RANBP2: variants seen among roughly 807,000 people sequenced by gnomAD.
RANBP2 encodes the protein RAN binding protein 2.
RANBP2 carries 57 observed loss-of-function variants against 303.6 expected under a neutral mutation model. The observed-to-expected ratio is 0.19, with a 90% CI of 0.15 to 0.23. The LOEUF is 0.23. Among genes scored for constraint, RANBP2 ranks in the 10% least tolerant of loss-of-function variants. The probability of loss-of-function intolerance (pLI) is 1.00; values close to 1 mark genes in which losing one functional copy is unlikely to be tolerated. For synonymous variants in RANBP2, 1,167 were observed against 1,301.5 expected (o/e 0.90, Z 2.23); for missense variants, 3,138 against 3,780.8 (o/e 0.83, Z 4.46).
Position 108,768,056 on chromosome 2 carries a change from A to G in RANBP2, c.7517A>G (p.Lys2506Arg). The change falls in exon 20 of 29, where the codon AAA (lysine) becomes AGA (arginine). Residue 2506 changes from lysine (K) to arginine (R), a missense_variant. By Grantham distance (26) the Lys-to-Arg change is conservative. Coordinates refer to ENST00000283195, the MANE Select transcript of RANBP2 (RefSeq NM_006267.5). ...EVSSTSETTP[K>R]AVVSPPKFVF... Reference sequence around the variant, plus strand: ...TCTAGCACATCTGAAACAACACCAAAAGCAGTGGTTTCTCCTCCAAAGTTT... The same window carrying G: ...TCTAGCACATCTGAAACAACACCAAGAGCAGTGGTTTCTCCTCCAAAGTTT... 1 of 1,611,714 alleles carries G rather than the reference A, an allele frequency of 6.2e-7. No homozygotes were observed. Among genetic ancestry groups the G allele is most frequent in the South Asian group, 1.1e-5 (1 of 90,768 alleles).
chr2:109,433,248 A>G, the RANBP2 span, among the ~76,000 whole-genome samples: 1 of 152,264 alleles, frequency 6.6e-6, no homozygotes, highest in Non-Finnish European at 1.5e-5. Flanking sequence ...GTAAAACACT[A>G]TATACATATA....
the RANBP2 span, among the ~76,000 whole-genome samples, chr2:109,201,723 C>T: frequency 1.1e-4 from 17 of 152,212 alleles, no homozygotes; most frequent in Admixed American, 2.0e-4. Flanking sequence ...TGGAGAGCCA[C>T]GTACAGCCCA....
the RANBP2 span, among the ~76,000 whole-genome samples, chr2:109,570,366 G>T: frequency 5.3e-5 from 8 of 152,046 alleles, no homozygotes; most frequent in African/African-American, 1.4e-4. Context: ...CTTTACAGTT[G>T]CCCCCCTCAT....
the RANBP2 span, among the ~76,000 whole-genome samples, chr2:109,557,831 T>C: frequency 6.6e-6 from 1 of 151,804 alleles, no homozygotes; most frequent in Non-Finnish European, 1.5e-5. Flanking sequence ...AGCATAAAAG[T>C]AGCTTGCTGT....
chr2:109,415,507 G>A, the RANBP2 span, among the ~76,000 whole-genome samples: 60 of 152,214 alleles, frequency 3.9e-4, no homozygotes, highest in East Asian at 0.01. Context: ...CCCCCTGAGC[G>A]TGTCCAGACC....
the RANBP2 span, among the ~76,000 whole-genome samples, chr2:109,063,717 G>C: frequency 6.6e-6 from 1 of 151,880 alleles, no homozygotes; most frequent in East Asian, 1.9e-4. Flanking sequence ...TCCTTAAATG[G>C]AGATGTAATT....
At chr2:109,362,874 T>G in the RANBP2 span, among the ~76,000 whole-genome samples, 1 of 152,214 alleles carries the variant, frequency 6.6e-6, no homozygotes, top group Non-Finnish European at 1.5e-5. Context: ...TTGTCTGAAA[T>G]TAATATGGAT....
chr2:108,774,786 A>C (rs1406471680), intron 23 of RANBP2, among the ~76,000 whole-genome samples: 1 of 150,952 alleles, frequency 6.6e-6, no homozygotes, highest in East Asian at 1.9e-4. Flanking sequence ...GCTCACTGCA[A>C]CCTCTGCCTC....
the RANBP2 span, among the ~76,000 whole-genome samples, chr2:109,342,933 T>C: frequency 6.6e-6 from 1 of 152,204 alleles, no homozygotes; most frequent in Non-Finnish European, 1.5e-5. Flanking sequence ...CAGATGGGTT[T>C]TCCTTTTTTC....
the RANBP2 span, among the ~76,000 whole-genome samples, chr2:109,440,668 A>C: frequency 2.6e-5 from 4 of 152,192 alleles, no homozygotes; most frequent in Admixed American, 2.6e-4. Context: ...AGGCAGTGGC[A>C]AAAGGAGGCA....
the RANBP2 span, among the ~76,000 whole-genome samples, chr2:108,892,020 G>T: frequency 1.3e-5 from 2 of 152,144 alleles, no homozygotes; most frequent in African/African-American, 2.4e-5. Flanking sequence ...GTGCAGGTTT[G>T]TGCTCAGGCC....
At chr2:109,511,466 TGGTGGCCTTAGG>T in the RANBP2 span, among the ~76,000 whole-genome samples, 1 of 152,152 alleles carries the variant, frequency 6.6e-6, no homozygotes, top group African/African-American at 2.4e-5. Context: ...GGCTGGCAAT[TGGTGGCCTTAGG>T]GGTGGTGTCC....
chr2:109,395,577 C>A, the RANBP2 span, among the ~76,000 whole-genome samples: 1 of 152,190 alleles, frequency 6.6e-6, no homozygotes, highest in African/African-American at 2.4e-5. Flanking sequence ...TCACTTTCAG[C>A]ACCGGCCTTC....
At chr2:109,492,611 G>A in the RANBP2 span, among the ~76,000 whole-genome samples, 1 of 152,156 alleles carries the variant, frequency 6.6e-6, no homozygotes, top group South Asian at 2.1e-4. Flanking sequence ...TATGAAATCA[G>A]TTATCCTCGT....
At chr2:109,006,879 G>T in the RANBP2 span, among the ~76,000 whole-genome samples, 87,109 of 152,166 alleles carry the variant, frequency 0.57, 27,992 homozygotes, top group East Asian at 0.96. Context: ...CAAACATGAG[G>T]AAGACGGGTT....
chr2:108,768,145 G>A lies in RANBP2; in HGVS notation c.7606G>A (p.Gly2536Ser), dbSNP rs758207939. Residue 2536 changes from glycine (G) to serine (S), a missense_variant, in exon 20 of 29, where the codon GGC becomes AGC. Physicochemically the swap from Gly to Ser is moderately conservative, Grantham distance 56. Around this residue, in one of 20 missense-constraint regions of RANBP2, gnomAD observed 497 missense variants for 465.8 expected, o/e 1.07. Transcript: ENST00000283195. ...SSEKSKPFAF[G>S]NSSATGSLFG... ...TGAAAAATCAAAACCATTTGCATTC[G>A]GCAACAGTTCAGCCACTGGGTCTTT... 1.2e-5 allele frequency: 20 copies of A among 1,611,828 alleles called. No homozygotes were observed. The highest frequency in any genetic ancestry group is 3.3e-5 in the South Asian group (3 of 90,994).
chr2:109,647,493 G>A, the RANBP2 span, among the ~76,000 whole-genome samples: 9 of 147,870 alleles, frequency 6.1e-5, no homozygotes, highest in African/African-American at 2.3e-4. Flanking sequence ...TTTTGAGATG[G>A]AGTCTCACTC....
chr2:109,159,537 A>G, the RANBP2 span, among the ~76,000 whole-genome samples: 1 of 152,234 alleles, frequency 6.6e-6, no homozygotes, highest in African/African-American at 2.4e-5. Context: ...CTTATTGTCC[A>G]TGTAGTGAGT....
downstream of RANBP2, among the ~76,000 whole-genome samples, chr2:108,786,252 CTT>C (rs5833304): frequency 5.0e-4 from 68 of 135,974 alleles, no homozygotes; most frequent in Admixed American, 7.4e-4. Context: ...TCAGCTTTCC[CTT>C]TTTTTTTTTT....
Sources: gnomAD v4.1 joint callset for allele counts (sites outside exome capture counted in the v4.1 genomes callset) on GRCh38, gnomAD v4.1.1 for gene constraint, gnomAD v4.1.1 regional missense constraint, MANE v1.5 for transcripts, NCBI Gene and HGNC (gene_info 2026-07-23, HGNC 2026-07-21) for gene names.